The following KCNT1 variants were observed in gnomAD, a reference collection of about 807,000 sequenced individuals.
KCNT1 encodes the protein potassium sodium-activated channel subfamily T member 1.
In KCNT1, 78 loss-of-function variants were observed where a neutral mutation model predicts 147.8. The observed-to-expected ratio is 0.53, with a 90% CI of 0.44 to 0.64. The LOEUF is 0.64. KCNT1 is among the 30% of genes least tolerant of loss of function. The probability of loss-of-function intolerance (pLI) is 0.00; values close to 1 mark genes in which losing one functional copy is unlikely to be tolerated. For missense variants in KCNT1, 1,419 were observed against 1,750.3 expected, an observed-to-expected ratio of 0.81 and a Z score of 3.38; for synonymous variants, 867 against 748.8, an observed-to-expected ratio of 1.16 and a Z score of -2.58.
chr9:135,756,281 C>G (rs1010677892), intron 6 of KCNT1, among the ~76,000 whole-genome samples: 2 of 152,120 alleles, frequency 1.3e-5, no homozygotes, highest in Admixed American at 1.3e-4. Flanking sequence ...TTCCTGACCC[C>G]CTCTGTCTGC....
At chr9:135,785,709 C>A in intron 28 of KCNT1, 1 of 482,368 alleles carries the variant, frequency 2.1e-6, no homozygotes, top group Non-Finnish European at 3.8e-6. Flanking sequence ...CTCTTCCCAG[C>A]ACCCCACGAC....
At chr9:135,704,512 G>GC (rs1835169767) in intron 1 of KCNT1, among the ~76,000 whole-genome samples, 1 of 152,082 alleles carries the variant, frequency 6.6e-6, no homozygotes, top group Non-Finnish European at 1.5e-5. Context: ...GGAGTCCCAG[G>GC]CCCTCAGCTG....
chr9:135,785,269 G>GTGC (rs1833949597), intron 27 of KCNT1, 41 bp from the exon 28 acceptor site: 1 of 1,610,992 alleles, frequency 6.2e-7, no homozygotes, highest in Non-Finnish European at 8.5e-7. Context: ...GGGGGCAGGG[G>GTGC]TGCGCCCACA....
chr9:135,731,316 T>G (rs1188493423), intron 2 of KCNT1, among the ~76,000 whole-genome samples: 2 of 152,202 alleles, frequency 1.3e-5, no homozygotes, highest in Non-Finnish European at 2.9e-5. Flanking sequence ...GTGTCTTCAT[T>G]TTGGATCACA....
chr9:135,786,327 C>T lies in KCNT1; in HGVS notation c.3308C>T (p.Pro1103Leu). 6.3e-7 allele frequency: 1 copy of T among 1,597,848 alleles called. No individual in the cohort carries two copies. Among genetic ancestry groups the T allele is most frequent in the Non-Finnish European group, 8.5e-7 (1 of 1,173,674 alleles). ...HTGGGDPAEHPLLRRKSLQWA... is the reference protein window; with the variant it reads ...HTGGGDPAEHLLLRRKSLQWA... ...GGCGGCGGTGACCCCGCAGAGCACC[C>T]ACTGCTACGGCGCAAGAGCCTGCAG... Residue 1103 changes from proline to leucine, a missense_variant, in exon 29 of 31, where the codon CCA becomes CTA. Pro to Leu is a moderately conservative substitution (Grantham distance 98, BLOSUM62 -3). Coordinates refer to ENST00000371757, the MANE Select transcript of KCNT1 (RefSeq NM_020822.3).
At chr9:135,705,579 G>A (rs1191554778) in intron 1 of KCNT1, among the ~76,000 whole-genome samples, 1 of 152,232 alleles carries the variant, frequency 6.6e-6, no homozygotes, top group Non-Finnish European at 1.5e-5. Flanking sequence ...GCGTGCCCGT[G>A]CTAGGTGGCT....
chr9:135,708,948 C>A (rs773587938), intron 1 of KCNT1, among the ~76,000 whole-genome samples: 1 of 152,212 alleles, frequency 6.6e-6, no homozygotes, highest in Non-Finnish European at 1.5e-5. Context: ...GAGCCCCACC[C>A]GGGGCAGAAA....
intron 24 of KCNT1, among the ~76,000 whole-genome samples, chr9:135,781,581 AATTT>A (rs1326953554): frequency 6.6e-6 from 1 of 152,186 alleles, no homozygotes; most frequent in Non-Finnish European, 1.5e-5. Flanking sequence ...CATTAATGCC[AATTT>A]ATTATAAAAA....
intron 2 of KCNT1, among the ~76,000 whole-genome samples, chr9:135,727,730 G>A (rs991041171): frequency 3.9e-5 from 6 of 152,226 alleles, no homozygotes; most frequent in South Asian, 2.1e-4. Flanking sequence ...GCCCCCACTC[G>A]CTGGCCTGGA....
At position 135,771,058 on chromosome 9, in the gene KCNT1, G is replaced by A. The variant is rs773072248; in HGVS notation, c.1971G>A (p.Pro657=). The change falls in exon 18 of 31, where the codon CCG becomes CCA. Residue 657 remains proline, a synonymous_variant. Transcript: ENST00000371757. ...AFSGQGLHEG[P]ARLPVHSIIA... ...CGGGGCAGGGGCTGCACGAGGGTCC[G>A]GCCCGCCTGCCCGTGCACAGCATCA... The A allele has an allele frequency of 2.5e-5, 40 of 1,611,732 alleles. No homozygotes were observed. The highest frequency in any genetic ancestry group is 3.0e-5 in the Non-Finnish European group (35 of 1,179,250).
chr9:135,775,772 G>A (rs976091558), intron 20 of KCNT1, among the ~76,000 whole-genome samples: 4 of 152,188 alleles, frequency 2.6e-5, no homozygotes, highest in Admixed American at 6.5e-5. Context: ...AGGGACCCCG[G>A]CCCGGCATGG....
intron 28 of KCNT1, 84 bp from the exon 29 acceptor site, chr9:135,786,113 C>G (rs1834023636): frequency 5.4e-6 from 7 of 1,284,798 alleles, no homozygotes; most frequent in Non-Finnish European, 6.5e-6. Context: ...GAGCCCACAC[C>G]TCTTCCTAAG....
intron 29 of KCNT1, chr9:135,791,252 T>G (rs1216234281): frequency 1.3e-5 from 2 of 152,972 alleles, no homozygotes; most frequent in Non-Finnish European, 2.9e-5. Context: ...GGTGGGGGTG[T>G]GTGGATGTGG....
At position 135,779,470 on chromosome 9, in the gene KCNT1, G is replaced by T; in HGVS notation, c.2841G>T (p.Lys947Asn). The change falls in exon 24 of 31, where the codon AAG (lysine) becomes AAT (asparagine). Residue 947 changes from lysine (K) to asparagine (N), a missense_variant and splice_region_variant. Physicochemically the swap from Lys to Asn is moderately conservative, Grantham distance 94. Coordinates refer to ENST00000371757, the MANE Select transcript of KCNT1 (RefSeq NM_020822.3). Reference sequence around the variant, plus strand: ...CTCTGGCTCTTTCCAAACTAGAAAAGGTGAGCAGCCCTGCCCCGTGCCAGC... The same window carrying T: ...CTCTGGCTCTTTCCAAACTAGAAAATGTGAGCAGCCCTGCCCCGTGCCAGC... ...SYSLALSKLEKRERENGSNLA... is the reference protein window; with the variant it reads ...SYSLALSKLENRERENGSNLA... 1 of 1,605,264 alleles carries T rather than the reference G, an allele frequency of 6.2e-7. No homozygotes were observed. The highest frequency in any genetic ancestry group is 8.5e-7 in the Non-Finnish European group (1 of 1,172,166).
intron 1 of KCNT1, among the ~76,000 whole-genome samples, chr9:135,707,855 T>A (rs1170624001): frequency 6.6e-6 from 1 of 152,192 alleles, no homozygotes; most frequent in Non-Finnish European, 1.5e-5. Flanking sequence ...ACAGCTTGAT[T>A]TCGGCTCCTC....
rs55678700 is a variant in KCNT1, at chr9:135,764,861, A to G, written c.1036-170A>G. Among the ~76,000 whole-genome samples the G allele has an allele frequency of 0.16, 24,517 of 152,032 alleles. 2,308 individuals carry two copies. The highest frequency in any genetic ancestry group is 0.21 in the Middle Eastern group (63 of 294). On this transcript the variant is annotated intron_variant, in intron 11 of 30. Transcript: ENST00000371757. The stretch of plus-strand genomic sequence containing the variant: ...CTGCTCTGTGTCATCTGAGGCTATC[A>G]GCATCTACAGTTTCCATGTGGGAAA...
At chr9:135,782,467 C>G (rs1833684660) in intron 24 of KCNT1, among the ~76,000 whole-genome samples, 1 of 152,214 alleles carries the variant, frequency 6.6e-6, no homozygotes, top group South Asian at 2.1e-4. Flanking sequence ...CTGGCTCTGC[C>G]CATCCTGGGG....
chr9:135,733,319 A>C (rs546541657), intron 2 of KCNT1, among the ~76,000 whole-genome samples: 6 of 5,676 alleles, frequency 1.1e-3, no homozygotes, highest in South Asian at 6.5e-3. Context: ...CACACCTGCC[A>C]GCACACCTGC....
At chr9:135,739,466 G>T (rs1195927861) in intron 2 of KCNT1, among the ~76,000 whole-genome samples, 2 of 151,690 alleles carry the variant, frequency 1.3e-5, no homozygotes, top group Non-Finnish European at 2.9e-5. Flanking sequence ...CCCTTGCCAG[G>T]ACCTCCCTCC....
Sources: allele counts gnomAD v4.1 joint callset (sites outside exome capture counted in the v4.1 genomes callset), GRCh38; gene constraint gnomAD v4.1.1; transcripts MANE v1.5; gene names NCBI Gene and HGNC (gene_info 2026-07-23, HGNC 2026-07-21).